Variants in MICAL3 observed in about 807,000 individuals in gnomAD.
The protein encoded by MICAL3 is microtubule associated monooxygenase, calponin and LIM domain containing 3, also known as [F-actin]-monooxygenase MICAL3.
In MICAL3, 62 loss-of-function variants were observed where a neutral mutation model predicts 207.4. That is an observed-to-expected ratio of 0.30 (90% CI 0.24 to 0.37). The LOEUF (loss-of-function observed/expected upper bound fraction) is 0.37. MICAL3 is among the 10% of genes least tolerant of loss of function. MICAL3 has a pLI of 1.00. For synonymous variants in MICAL3, 1,077 were observed against 1,069.3 expected, an observed-to-expected ratio of 1.01 and a Z score of -0.14; for missense variants, 2,368 against 2,635.6, an observed-to-expected ratio of 0.90 and a Z score of 2.22.
At chr22:17,814,841 G>T (rs567782864) in intron 27 of MICAL3, 1 of 129,710 alleles carries the variant, frequency 7.7e-6, no homozygotes, top group Admixed American at 7.7e-5. Context: ...GGGCCGTCCC[G>T]TAGGTCATCC....
intron 1 of MICAL3, among the ~76,000 whole-genome samples, chr22:17,989,449 T>A (rs1163738555): frequency 6.6e-6 from 1 of 151,892 alleles, no homozygotes; most frequent in Non-Finnish European, 1.5e-5. Flanking sequence ...TACATCTTAT[T>A]TATCTCCCAC....
chr22:18,020,713 C>T (rs1248163500), intron 1 of MICAL3, among the ~76,000 whole-genome samples: 6 of 150,250 alleles, frequency 4.0e-5, no homozygotes, highest in Admixed American at 3.3e-4. Flanking sequence ...GGCAGGAGTT[C>T]GACACCAGCC....
At chr22:17,827,850 G>A in intron 21 of MICAL3, 69 bp from the exon 22 acceptor site, 2 of 1,474,638 alleles carry the variant, frequency 1.4e-6, no homozygotes, top group East Asian at 5.0e-5. Context: ...CATGGGAAAG[G>A]AAACAGAAAG....
At chr22:18,023,687 C>G (rs866979156) in intron 1 of MICAL3, among the ~76,000 whole-genome samples, 1 of 152,344 alleles carries the variant, frequency 6.6e-6, no homozygotes, top group South Asian at 2.1e-4. Context: ...GGAGCTGCGC[C>G]GGCGCAGCGC....
intron 20 of MICAL3, among the ~76,000 whole-genome samples, chr22:17,833,186 G>A (rs1922996811): frequency 6.6e-6 from 1 of 152,204 alleles, no homozygotes; most frequent in African/African-American, 2.4e-5. Flanking sequence ...AACAAAACCG[G>A]GTTCCTTGCA....
intron 19 of MICAL3, among the ~76,000 whole-genome samples, chr22:17,846,073 T>C (rs911138751): frequency 6.6e-6 from 1 of 152,240 alleles, no homozygotes; most frequent in African/African-American, 2.4e-5. Flanking sequence ...CACTGGGAAC[T>C]GTTCAGATCC....
chr22:17,896,789 C>T lies in MICAL3; in HGVS notation c.1141G>A (p.Ala381Thr), dbSNP rs781678362. 8 of 1,614,000 alleles carry T rather than the reference C, an allele frequency of 5.0e-6. No individual in the cohort carries two copies. The highest frequency in any genetic ancestry group is 2.2e-5 in the East Asian group (1 of 44,890). ...TGTCCGTTCTGCTCCCGCACCAAGG[C>T]GGCGTTCTCGGAGGCATACATACAA... ...FTCMYASENA[A>T]LVREQNGHQL... Residue 381 changes from alanine (A) to threonine (T), a missense_variant, in exon 8 of 32, where the codon GCC (alanine) becomes ACC (threonine). Ala to Thr is a moderately conservative substitution (Grantham distance 58). Coordinates refer to ENST00000441493, the MANE Select transcript of MICAL3 (RefSeq NM_015241.3).
intron 1 of MICAL3, among the ~76,000 whole-genome samples, chr22:17,924,631 A>G (rs1360304867): frequency 6.6e-6 from 1 of 152,226 alleles, no homozygotes; most frequent in African/African-American, 2.4e-5. Context: ...TGAAAAAAAT[A>G]TGAAATCCAA....
In MICAL3 at chr22:17,865,961, T is replaced by C. The variant is rs1376491263; in HGVS notation, c.2480A>G (p.Gln827Arg). 6.2e-7 allele frequency: 1 copy of C among 1,613,930 alleles called. No individual in the cohort carries two copies. Among genetic ancestry groups the C allele is most frequent in the Admixed American group, 1.7e-5 (1 of 60,014 alleles). Reference protein sequence around the residue: ...HYCYRLSGYAQRKRPAVAPLS... With the variant: ...HYCYRLSGYARRKRPAVAPLS... ...GGGAGCCACTGCCGGTCTCTTCCTTTGTGCGTAGCCAGAGAGTCGATAGCA... is the reference window on the plus strand; with the variant it reads ...GGGAGCCACTGCCGGTCTCTTCCTTCGTGCGTAGCCAGAGAGTCGATAGCA... The change falls in exon 18 of 32, where the codon CAA (glutamine) becomes CGA (arginine). Residue 827 changes from glutamine to arginine, a missense_variant. This residue lies in a region of MICAL3 where 1,770 missense variants were observed against 1,863.2 expected (regional missense o/e 0.95). Transcript: ENST00000441493.
chr22:18,014,918 A>G (rs1923959466), intron 1 of MICAL3, among the ~76,000 whole-genome samples: 1 of 151,926 alleles, frequency 6.6e-6, no homozygotes, highest in African/African-American at 2.4e-5. Flanking sequence ...GCATGAACCC[A>G]GAAGCTTGCA....
intron 19 of MICAL3, among the ~76,000 whole-genome samples, chr22:17,850,386 T>TGC (rs1925177482): frequency 6.6e-6 from 1 of 151,302 alleles, no homozygotes; most frequent in African/African-American, 2.4e-5. Flanking sequence ...TGTGGAACTT[T>TGC]TGCTTTTGAA....
chr22:17,891,119 C>T (rs2075455), intron 12 of MICAL3, among the ~76,000 whole-genome samples: 71,393 of 152,020 alleles, frequency 0.47, 18,741 homozygotes, highest in African/African-American at 0.72. Context: ...ATTTGAGAGA[C>T]AGCTGGCCGA....
intron 1 of MICAL3, among the ~76,000 whole-genome samples, chr22:17,967,065 GA>G (rs1322519092): frequency 1.3e-5 from 2 of 152,204 alleles, no homozygotes; most frequent in Admixed American, 6.5e-5. Flanking sequence ...AGGTGAGACA[GA>G]GGTTCCATGG....
At chr22:17,864,281 T>G in intron 19 of MICAL3, 1 of 1,069,554 alleles carries the variant, frequency 9.3e-7, no homozygotes, top group Non-Finnish European at 1.1e-6. Flanking sequence ...GGCTTGGACC[T>G]CATGACAAGC....
At chr22:17,925,650 G>GAAACTT (rs1169574300) in intron 1 of MICAL3, among the ~76,000 whole-genome samples, 2 of 152,160 alleles carry the variant, frequency 1.3e-5, no homozygotes, top group Non-Finnish European at 2.9e-5. Flanking sequence ...GGAGGACCTG[G>GAAACTT]AAACTTAAAC....
intron 16 of MICAL3, among the ~76,000 whole-genome samples, chr22:17,877,270 T>TGGAGGTTAG (rs200450591): frequency 1.7e-5 from 1 of 57,688 alleles, no homozygotes; most frequent in Non-Finnish European, 3.2e-5. Context: ...AGGGAAGTTA[T>TGGAGGTTAG]GGAGGTTAGG....
At position 17,841,581 on chromosome 22, in the gene MICAL3, G is replaced by C. The variant is rs565950858; in HGVS notation, c.2801+241C>G. On this transcript the variant is annotated intron_variant, in intron 20 of 31. Coordinates refer to ENST00000441493, the MANE Select transcript of MICAL3 (RefSeq NM_015241.3). The surrounding 1 kb of genome is among the most constrained non-coding windows in gnomAD (Gnocchi z 4.2). ...CCTTCCCAATGACAGACTTGGAGCT[G>C]GGGACATGTCAGGTCCTCAAGGAAT... 2.8e-3 allele frequency: 1,622 copies of C among 578,406 alleles called. 7 individuals are homozygous for C. The highest frequency in any genetic ancestry group is 4.2e-3 in the Non-Finnish European group (1,347 of 323,932). 35.8% of individuals were successfully genotyped at this position (578,406 alleles called of 1,614,324 possible).
intron 16 of MICAL3, among the ~76,000 whole-genome samples, chr22:17,885,381 C>T (rs1076113): frequency 0.25 from 38,300 of 152,040 alleles, 6,603 homozygotes; most frequent in African/African-American, 0.49. Context: ...AACATGGGAA[C>T]GCCTACGGTT....
intron 1 of MICAL3, among the ~76,000 whole-genome samples, chr22:17,925,931 A>G (rs1053109276): frequency 1.3e-5 from 2 of 152,196 alleles, no homozygotes; most frequent in African/African-American, 2.4e-5. Flanking sequence ...GTGAGTCCCA[A>G]ACCCAAACAT....
Sources: allele counts gnomAD v4.1 joint callset (sites outside exome capture counted in the v4.1 genomes callset), GRCh38; gene constraint gnomAD v4.1.1; regional missense constraint gnomAD v4.1.1; non-coding constraint Gnocchi (gnomAD v3.1); transcripts MANE v1.5; gene names NCBI Gene and HGNC (gene_info 2026-07-23, HGNC 2026-07-21).